MYLIP: variants seen among roughly 807,000 people sequenced by gnomAD.
The protein encoded by MYLIP is myosin regulatory light chain interacting protein.
Under a neutral mutation model 45.8 loss-of-function variants are expected in MYLIP, and 26 were observed. The observed-to-expected ratio is 0.57, with a 90% CI of 0.42 to 0.79. The LOEUF (loss-of-function observed/expected upper bound fraction) is 0.79, where lower values mean the gene tolerates loss of function less well. Among genes scored for constraint, MYLIP ranks in the 30% least tolerant of loss-of-function variants. MYLIP has a pLI of 0.00. For missense variants in MYLIP, 494 were observed against 555.6 expected (o/e 0.89, Z 1.11); for synonymous variants, 213 against 218.1 (o/e 0.98, Z 0.21).
At chr6:16,158,136 G>C in the MYLIP span, among the ~76,000 whole-genome samples, 1 of 152,174 alleles carries the variant, frequency 6.6e-6, no homozygotes, top group South Asian at 2.1e-4. Flanking sequence ...AGCTCAGGCT[G>C]TCAGGTTTGA....
chr6:16,150,429 G>A (rs1472534135), downstream of MYLIP, among the ~76,000 whole-genome samples: 2 of 152,270 alleles, frequency 1.3e-5, no homozygotes, highest in Non-Finnish European at 1.5e-5. Context: ...GTGAGGATGC[G>A]GAAGTGGTCA....
At chr6:16,135,755 C>A (rs56215044) in intron 2 of MYLIP, among the ~76,000 whole-genome samples, 21,519 of 122,202 alleles carry the variant, frequency 0.18, 2,100 homozygotes, top group South Asian at 0.23. Context: ...ATACATATAT[C>A]TATATATATA....
At chr6:16,150,912 A>C (rs569881282), downstream of MYLIP, among the ~76,000 whole-genome samples, 13 of 152,272 alleles carry the variant, frequency 8.5e-5, no homozygotes, top group South Asian at 8.3e-4. Context: ...TCTGGGGGGA[A>C]GTGTCCCCTT....
chr6:16,143,956 C>A, intron 5 of MYLIP, 93 bp downstream of exon 5: 1 of 1,374,988 alleles, frequency 7.3e-7, no homozygotes, highest in Non-Finnish European at 1.0e-6. Context: ...ATTGTTGTGT[C>A]AATGAGTCTA....
At chr6:16,143,996 T>G in intron 5 of MYLIP, 133 bp downstream of exon 5, 1 of 1,092,492 alleles carries the variant, frequency 9.2e-7, no homozygotes. Context: ...CTGAACATTT[T>G]GTTTCCGTAG....
In MYLIP at chr6:16,141,781, C is replaced by A. The variant is rs767544190; in HGVS notation, c.435C>A (p.Ala145=). 6.2e-7 allele frequency: 1 copy of A among 1,613,484 alleles called. No homozygotes were observed. Residue 145 remains alanine (A), a synonymous_variant, in exon 3 of 7, where the codon GCC becomes GCA. Coordinates refer to ENST00000356840, the MANE Select transcript of MYLIP (RefSeq NM_013262.4). ...AGTATAACTATGAGGAGCTCTGTGCCAAGGAGCTCTCCTCTGCCACCTTGA... is the reference window on the plus strand; with the variant it reads ...AGTATAACTATGAGGAGCTCTGTGCAAAGGAGCTCTCCTCTGCCACCTTGA... ...TAKYNYEELC[A]KELSSATLNS... is the part of the protein sequence containing the mutation.
chr6:16,143,666 A>G (rs2072783), intron 4 of MYLIP, 33 bp from the exon 5 acceptor site: 220,281 of 1,609,184 alleles, frequency 0.14, 18,166 homozygotes, highest in East Asian at 0.4. Context: ...CACTCCTTCT[A>G]GATCTGCTTT....
intron 5 of MYLIP, 122 bp from the exon 6 acceptor site, chr6:16,144,775 T>C: frequency 8.8e-7 from 1 of 1,135,824 alleles, no homozygotes; most frequent in African/African-American, 1.6e-5. Context: ...AAGGACTTAC[T>C]TTCATACATG....
chr6:16,148,861 T>C (rs73377734), downstream of MYLIP, among the ~76,000 whole-genome samples: 20,335 of 152,174 alleles, frequency 0.13, 1,536 homozygotes, highest in East Asian at 0.27. Context: ...CATTTTGGAA[T>C]AGAGAATATT....
At chr6:16,151,397 A>C (rs1759879573), downstream of MYLIP, among the ~76,000 whole-genome samples, 1 of 152,118 alleles carries the variant, frequency 6.6e-6, no homozygotes, top group South Asian at 2.1e-4. Context: ...GTGCATGCAC[A>C]CGTCACCACG....
chr6:16,161,125 A>G, the MYLIP span: 2 of 159,902 alleles, frequency 1.3e-5, no homozygotes, highest in African/African-American at 4.8e-5. Flanking sequence ...TATCACCCTC[A>G]AGATCTATTC....
intron 2 of MYLIP, among the ~76,000 whole-genome samples, chr6:16,131,615 G>T (rs1178799888): frequency 6.6e-6 from 1 of 152,198 alleles, no homozygotes; most frequent in African/African-American, 2.4e-5. Context: ...AGCAAGCTTT[G>T]GATCTAAGTT....
At chr6:16,158,274 C>T in the MYLIP span, among the ~76,000 whole-genome samples, 1 of 152,236 alleles carries the variant, frequency 6.6e-6, no homozygotes, top group African/African-American at 2.4e-5. Flanking sequence ...GAAGCAGTTA[C>T]TTGTGTGGTC....
In MYLIP at chr6:16,145,200, G is replaced by A. The variant is rs374712005; in HGVS notation, c.1131G>A (p.Lys377=). 5.0e-6 allele frequency: 8 copies of A among 1,614,048 alleles called. No individual in the cohort carries two copies. In the African/African-American group the frequency reaches 8.0e-5, roughly 16 times the overall value. ...SCQQTRVLQE[K]LRKLKEAMLC... ...AGCAGACCCGGGTGCTGCAGGAGAAGCTACGCAAGCTGAAGGAAGCCATGC... is the reference window on the plus strand; with the variant it reads ...AGCAGACCCGGGTGCTGCAGGAGAAACTACGCAAGCTGAAGGAAGCCATGC... Residue 377 remains lysine (K), a synonymous_variant, in exon 6 of 7, where the codon AAG becomes AAA. Transcript: ENST00000356840.
rs1456285916 is a variant in MYLIP, at chr6:16,129,448, G to A, written c.87+39G>A. The stretch of plus-strand genomic sequence containing the variant: ...GCAAGAAGGGGCCCCGGCGGGTCCC[G>A]CGAGGCCGAGGGGCCTCGCAGCGAC... On this transcript the variant is annotated intron_variant, in intron 1 of 6. Transcript: ENST00000356840. This position sits in a 1 kb window ranked among gnomAD's most constrained non-coding sequence, Gnocchi z 5.1. The A allele has an allele frequency of 6.5e-7, 1 of 1,547,216 alleles. No homozygotes were observed. Among genetic ancestry groups the A allele is most frequent in the Non-Finnish European group, 8.7e-7 (1 of 1,144,160 alleles).
Position 16,129,966 on chromosome 6 carries a change from C to G in MYLIP, c.87+557C>G, listed in dbSNP as rs912177337. Among the ~76,000 whole-genome samples the G allele has an allele frequency of 6.6e-6, 1 of 152,202 alleles. No individual in the cohort carries two copies. Among genetic ancestry groups the G allele is most frequent in the African/African-American group, 2.4e-5 (1 of 41,456 alleles). On this transcript the variant is annotated intron_variant, in intron 1 of 6. Transcript: ENST00000356840. This position sits in a 1 kb window ranked among gnomAD's most constrained non-coding sequence, Gnocchi z 5.1. Reference sequence around the variant, plus strand: ...GAATAGGTTTGGGTCATCTACTGCTCGGTTGTTTTTAAGCATGTGTTTCCT... The same window carrying G: ...GAATAGGTTTGGGTCATCTACTGCTGGGTTGTTTTTAAGCATGTGTTTCCT...
At chr6:16,142,854 GT>G (rs1186316291) in intron 3 of MYLIP, among the ~76,000 whole-genome samples, 165 bp from the exon 4 acceptor site, 1 of 152,148 alleles carries the variant, frequency 6.6e-6, no homozygotes, top group Non-Finnish European at 1.5e-5. Context: ...TGTCTTAGAC[GT>G]TTTTTATAGT....
In MYLIP at chr6:16,141,811, G is replaced by C; in HGVS notation, c.464+1G>C. ...AGCTCTCCTCTGCCACCTTGAACAG[G>C]TGAGGCTGTTGAATATAGTATTGTT... On this transcript the variant is annotated splice_donor_variant, in intron 3 of 6. Transcript: ENST00000356840. LOFTEE classifies it high-confidence loss of function. The C allele has an allele frequency of 6.2e-7, 1 of 1,609,614 alleles. No homozygotes were observed. Among genetic ancestry groups the C allele is most frequent in the Non-Finnish European group, 8.5e-7 (1 of 1,176,986 alleles).
downstream of MYLIP, among the ~76,000 whole-genome samples, chr6:16,151,219 C>T (rs1285298133): frequency 2.0e-5 from 3 of 151,336 alleles, no homozygotes; most frequent in South Asian, 4.2e-4. Context: ...CAGCCAGGCA[C>T]GGTAGCGGGT....
Sources: gnomAD v4.1 joint callset for allele counts (sites outside exome capture counted in the v4.1 genomes callset) on GRCh38, gnomAD v4.1.1 for gene constraint, Gnocchi (gnomAD v3.1) non-coding constraint, MANE v1.5 for transcripts, NCBI Gene and HGNC (gene_info 2026-07-23, HGNC 2026-07-21) for gene names.